Variants in UNC5D observed in about 807,000 individuals in gnomAD.
The protein encoded by UNC5D is netrin receptor UNC5D.
Under a neutral mutation model 105.4 loss-of-function variants are expected in UNC5D, and 39 were observed. The observed-to-expected ratio is 0.37, with a 90% CI of 0.29 to 0.48. The LOEUF is 0.48. Ranked by LOEUF, UNC5D falls within the 20% of genes least tolerant of loss-of-function variation. The probability of loss-of-function intolerance (pLI) is 0.98; values close to 1 mark genes in which losing one functional copy is unlikely to be tolerated. For synonymous variants in UNC5D, 452 were observed against 450.4 expected (o/e 1.00, Z -0.04); for missense variants, 991 against 1,202.4 (o/e 0.82, Z 2.60).
chr8:35,336,386 C>G (rs1300549918), intron 1 of UNC5D, among the ~76,000 whole-genome samples: 1 of 152,202 alleles, frequency 6.6e-6, no homozygotes, highest in Non-Finnish European at 1.5e-5. Flanking sequence ...CTTAACCATT[C>G]TGGCACTCCC....
intron 4 of UNC5D, among the ~76,000 whole-genome samples, chr8:35,626,990 A>G (rs1821732671): frequency 6.6e-6 from 1 of 152,226 alleles, no homozygotes; most frequent in Non-Finnish European, 1.5e-5. Flanking sequence ...GTGACTTTTC[A>G]GTACTGATAA....
chr8:35,690,989 T>A (rs1339879896), intron 7 of UNC5D, among the ~76,000 whole-genome samples: 1 of 152,222 alleles, frequency 6.6e-6, no homozygotes, highest in African/African-American at 2.4e-5. Flanking sequence ...CCTACATGTC[T>A]TTGATTTTAT....
intron 1 of UNC5D, among the ~76,000 whole-genome samples, chr8:35,377,707 C>T (rs1429922710): frequency 6.6e-6 from 1 of 152,140 alleles, no homozygotes; most frequent in African/African-American, 2.4e-5. Context: ...AAGGGGAAGA[C>T]ATTCGTATCT....
At chr8:35,628,220 ACC>A (rs1821812351) in intron 4 of UNC5D, among the ~76,000 whole-genome samples, 1 of 151,750 alleles carries the variant, frequency 6.6e-6, no homozygotes, top group Non-Finnish European at 1.5e-5. Flanking sequence ...TGCAACCTTC[ACC>A]TCCCAGGTCC....
At chr8:35,462,710 G>A (rs1808989047) in intron 1 of UNC5D, among the ~76,000 whole-genome samples, 1 of 152,148 alleles carries the variant, frequency 6.6e-6, no homozygotes, top group Non-Finnish European at 1.5e-5. Context: ...GTCATATCAA[G>A]GAAAATGGGA....
At chr8:35,512,973 G>C (rs1812857105) in intron 1 of UNC5D, among the ~76,000 whole-genome samples, 1 of 151,674 alleles carries the variant, frequency 6.6e-6, no homozygotes, top group South Asian at 2.1e-4. Flanking sequence ...GAGCCACCAT[G>C]CCTGGCTTTG....
intron 1 of UNC5D, among the ~76,000 whole-genome samples, chr8:35,316,436 C>T (rs1196585278): frequency 6.6e-6 from 1 of 152,244 alleles, no homozygotes; most frequent in East Asian, 1.9e-4. Flanking sequence ...CTCATTCTGT[C>T]TCTATGAGCT....
chr8:35,553,556 C>A (rs1816320177), intron 2 of UNC5D, among the ~76,000 whole-genome samples: 1 of 152,120 alleles, frequency 6.6e-6, no homozygotes, highest in Non-Finnish European at 1.5e-5. Context: ...TTGATTGAAT[C>A]AATGTGAAAG....
intron 1 of UNC5D, among the ~76,000 whole-genome samples, chr8:35,346,509 G>C (rs970882523): frequency 6.6e-6 from 1 of 151,904 alleles, no homozygotes; most frequent in Non-Finnish European, 1.5e-5. Context: ...AGAAAATGGA[G>C]GGGTAATATA....
intron 3 of UNC5D, among the ~76,000 whole-genome samples, chr8:35,589,162 C>T (rs909957444): frequency 2.0e-5 from 3 of 151,992 alleles, no homozygotes; most frequent in African/African-American, 4.8e-5. Context: ...ATTTTTATTA[C>T]TAACATGCAT....
chr8:35,791,793 C>T lies in UNC5D; in HGVS notation c.*1230C>T, dbSNP rs1803056421. 6.6e-6 allele frequency: 1 copy of T among 152,140 alleles called. No homozygotes were observed. The highest frequency in any genetic ancestry group is 1.5e-5 in the Non-Finnish European group (1 of 68,014). The allele number at this position is 152,140 out of a possible 1,614,324, so 9.4% of individuals were successfully genotyped here. On this transcript the variant is annotated 3_prime_UTR_variant, in exon 17 of 17. Transcript: ENST00000404895. ...TTCAGCCTCCCTGAATATGCTTTCT[C>T]TATAGAACCACTAACATATGGCTAT...
At chr8:35,314,471 A>G (rs1397063779) in intron 1 of UNC5D, among the ~76,000 whole-genome samples, 1 of 152,188 alleles carries the variant, frequency 6.6e-6, no homozygotes, top group Non-Finnish European at 1.5e-5. Context: ...GACACATTTT[A>G]GAGAGAAAGC....
At chr8:35,724,049 T>C in intron 9 of UNC5D, 1 of 1,146,796 alleles carries the variant, frequency 8.7e-7, no homozygotes, top group Non-Finnish European at 1.1e-6. Context: ...CGCTGGTTGC[T>C]TCCTCTTACC....
intron 1 of UNC5D, among the ~76,000 whole-genome samples, chr8:35,494,174 T>C (rs1811395447): frequency 6.6e-6 from 1 of 152,150 alleles, no homozygotes; most frequent in African/African-American, 2.4e-5. Flanking sequence ...AACTACCTTT[T>C]CTGTGAAATT....
At chr8:35,484,933 T>G (rs953346) in intron 1 of UNC5D, among the ~76,000 whole-genome samples, 26,253 of 152,052 alleles carry the variant, frequency 0.17, 2,974 homozygotes, top group African/African-American at 0.29. Flanking sequence ...AACCCAGGAT[T>G]TCTAACTCCA....
chr8:35,451,996 C>A (rs2128991671), intron 1 of UNC5D, among the ~76,000 whole-genome samples: 1 of 152,300 alleles, frequency 6.6e-6, no homozygotes, highest in Admixed American at 6.5e-5. Flanking sequence ...AATACTTTAG[C>A]TCCTTTGTTT....
At chr8:35,320,738 G>A (rs937391670) in intron 1 of UNC5D, among the ~76,000 whole-genome samples, 1 of 152,084 alleles carries the variant, frequency 6.6e-6, no homozygotes, top group African/African-American at 2.4e-5. Context: ...AAAGGGAGGA[G>A]GGTATAATGA....
chr8:35,518,679 T>C (rs1187623733), intron 1 of UNC5D, among the ~76,000 whole-genome samples: 1 of 152,180 alleles, frequency 6.6e-6, no homozygotes, highest in Non-Finnish European at 1.5e-5. Context: ...GAAATTTCTA[T>C]AGGTCTCCAA....
At chr8:35,437,320 C>T (rs1293512871) in intron 1 of UNC5D, among the ~76,000 whole-genome samples, 3 of 151,888 alleles carry the variant, frequency 2.0e-5, no homozygotes, top group Non-Finnish European at 4.4e-5. Context: ...CATTTCCTCT[C>T]CAGCATGGAA....
Sources: allele counts gnomAD v4.1 joint callset (sites outside exome capture counted in the v4.1 genomes callset), GRCh38; gene constraint gnomAD v4.1.1; transcripts MANE v1.5; gene names NCBI Gene and HGNC (gene_info 2026-07-23, HGNC 2026-07-21).